The following LDB2 variants were observed in gnomAD, a reference collection of about 807,000 sequenced individuals.
LDB2 encodes LIM domain-binding protein 2.
A neutral mutation model predicts 44.3 loss-of-function variants in LDB2; 12 were observed. That is an observed-to-expected ratio of 0.27 (90% CI 0.17 to 0.44). LDB2 has a LOEUF of 0.44. Ranked by LOEUF, LDB2 falls within the 20% of genes least tolerant of loss-of-function variation. The pLI is 1.00. For synonymous variants in LDB2, 164 were observed against 174.8 expected, an observed-to-expected ratio of 0.94 and a Z score of 0.49; for missense variants, 344 against 473.5, an observed-to-expected ratio of 0.73 and a Z score of 2.54.
chr4:16,723,585 C>A (rs890439691), intron 2 of LDB2, among the ~76,000 whole-genome samples: 1 of 152,158 alleles, frequency 6.6e-6, no homozygotes, highest in African/African-American at 2.4e-5. Flanking sequence ...TGCCCTGCCA[C>A]ACATGAACTC....
chr4:16,652,536 C>T lies in LDB2; in HGVS notation c.236-56661G>A, dbSNP rs143413304. ...CCTGGTCCTAATGGACTTCTGCCACCCCATTTGTGGGGTAAAGGCGGGGCT... is the reference window on the plus strand; with the variant it reads ...CCTGGTCCTAATGGACTTCTGCCACTCCATTTGTGGGGTAAAGGCGGGGCT... On this transcript the variant is annotated intron_variant, in intron 2 of 7. Transcript: ENST00000304523. Among the ~76,000 whole-genome samples, 97 of 152,232 alleles carry T rather than the reference C, an allele frequency of 6.4e-4. No homozygotes were observed. In the East Asian group the frequency reaches 9.9e-3, roughly 15 times the overall value.
chr4:16,644,342 A>T (rs1736059303), intron 2 of LDB2, among the ~76,000 whole-genome samples: 1 of 152,176 alleles, frequency 6.6e-6, no homozygotes, highest in African/African-American at 2.4e-5. Flanking sequence ...ATCTAATGCC[A>T]TTAGGCCCTA....
At chr4:16,541,912 A>G (rs1203919086) in intron 5 of LDB2, among the ~76,000 whole-genome samples, 2 of 152,190 alleles carry the variant, frequency 1.3e-5, no homozygotes, top group Non-Finnish European at 2.9e-5. Context: ...AGGAATGAAA[A>G]TGCACCTAGT....
intron 5 of LDB2, among the ~76,000 whole-genome samples, chr4:16,527,607 G>T (rs1255966257): frequency 1.3e-5 from 2 of 152,038 alleles, no homozygotes; most frequent in African/African-American, 4.8e-5. Context: ...ATATGAAAAA[G>T]ACACTTGGAC....
chr4:16,563,369 G>A (rs1487534687), intron 5 of LDB2, among the ~76,000 whole-genome samples: 1 of 145,206 alleles, frequency 6.9e-6, no homozygotes, highest in African/African-American at 2.5e-5. Flanking sequence ...TGGGTTCATG[G>A]ACCAAATTAC....
intron 1 of LDB2, among the ~76,000 whole-genome samples, chr4:16,829,458 C>T (rs1183838898): frequency 6.6e-6 from 1 of 151,998 alleles, no homozygotes; most frequent in Non-Finnish European, 1.5e-5. Context: ...TTTTTAAAAC[C>T]GTGTGTCTAT....
intron 1 of LDB2, among the ~76,000 whole-genome samples, chr4:16,859,443 T>C (rs1444328274): frequency 1.3e-5 from 2 of 152,222 alleles, no homozygotes; most frequent in Non-Finnish European, 2.9e-5. Flanking sequence ...ATGGCAATAC[T>C]GAAGCTGCTA....
chr4:16,748,262 T>C (rs1764771938), intron 2 of LDB2, among the ~76,000 whole-genome samples: 1 of 152,096 alleles, frequency 6.6e-6, no homozygotes, highest in African/African-American at 2.4e-5. Flanking sequence ...GAAGTTCCCA[T>C]CAAAGAGTAG....
Position 16,602,152 on chromosome 4 carries a change from T to C in LDB2, c.236-6277A>G, listed in dbSNP as rs568005169. 1.8e-4 allele frequency among the ~76,000 whole-genome samples: 28 copies of C among 152,328 alleles called. No homozygotes were observed. The South Asian group carries it at 5.4e-3, about 29-fold the overall frequency. On this transcript the variant is annotated intron_variant, in intron 2 of 7. Coordinates refer to ENST00000304523, the MANE Select transcript of LDB2 (RefSeq NM_001290.5). ...GATTCATTTATTTCATATATACTTA[T>C]TAGGTAACTACTACAGGCCAGATAT...
intron 2 of LDB2, among the ~76,000 whole-genome samples, chr4:16,635,781 G>A (rs1733427312): frequency 6.6e-6 from 1 of 152,138 alleles, no homozygotes. Flanking sequence ...CCTCCTATAT[G>A]TGCTGTTTCT....
At chr4:16,896,011 C>T (rs1724900632) in intron 1 of LDB2, among the ~76,000 whole-genome samples, 1 of 151,812 alleles carries the variant, frequency 6.6e-6, no homozygotes, top group Admixed American at 6.6e-5. Flanking sequence ...ACAGTATTTA[C>T]TGCTTAGCAA....
chr4:16,841,289 A>G (rs1203601525), intron 1 of LDB2, among the ~76,000 whole-genome samples: 1 of 152,254 alleles, frequency 6.6e-6, no homozygotes, highest in Non-Finnish European at 1.5e-5. Flanking sequence ...GGTCTATTTT[A>G]GCACATAGAA....
At chr4:16,778,380 A>G (rs942823942) in intron 1 of LDB2, among the ~76,000 whole-genome samples, 3 of 152,192 alleles carry the variant, frequency 2.0e-5, no homozygotes, top group African/African-American at 7.2e-5. Context: ...AACTTTCTGC[A>G]TAATTCCCAG....
intron 5 of LDB2, among the ~76,000 whole-genome samples, chr4:16,573,004 T>A (rs1054367133): frequency 5.3e-5 from 8 of 152,228 alleles, no homozygotes; most frequent in African/African-American, 1.4e-4. Flanking sequence ...TAAAGCACTG[T>A]CTCTCCTTTA....
intron 1 of LDB2, among the ~76,000 whole-genome samples, chr4:16,865,514 G>A (rs570448998): frequency 1.3e-5 from 2 of 152,124 alleles, no homozygotes; most frequent in Non-Finnish European, 2.9e-5. Flanking sequence ...CCTCACACCA[G>A]CTCCTGTGAT....
At chr4:16,541,748 C>T (rs1367844224) in intron 5 of LDB2, among the ~76,000 whole-genome samples, 1 of 152,174 alleles carries the variant, frequency 6.6e-6, no homozygotes, top group Admixed American at 6.6e-5. Flanking sequence ...TTAAATCTCA[C>T]CTCATCTATC....
intron 2 of LDB2, among the ~76,000 whole-genome samples, chr4:16,737,574 G>C (rs572910634): frequency 6.6e-6 from 1 of 152,238 alleles, no homozygotes; most frequent in South Asian, 2.1e-4. Flanking sequence ...ACGTTAATTA[G>C]ATGAAGCTAA....
chr4:16,715,771 G>T (rs563127559), intron 2 of LDB2, among the ~76,000 whole-genome samples: 2 of 152,076 alleles, frequency 1.3e-5, no homozygotes, highest in Non-Finnish European at 2.9e-5. Context: ...TTTTTTTGGT[G>T]TATGGGGAAG....
At chr4:16,771,627 C>T (rs768421575) in intron 1 of LDB2, among the ~76,000 whole-genome samples, 7 of 152,194 alleles carry the variant, frequency 4.6e-5, no homozygotes, top group Non-Finnish European at 1.0e-4. Flanking sequence ...CTTAGGCCAG[C>T]ATTTGAGAAC....
Sources: allele counts gnomAD v4.1 joint callset (sites outside exome capture counted in the v4.1 genomes callset), GRCh38; gene constraint gnomAD v4.1.1; transcripts MANE v1.5; gene names NCBI Gene and HGNC (gene_info 2026-07-23, HGNC 2026-07-21).